KIAA1217: variants seen among roughly 807,000 people sequenced by gnomAD.
KIAA1217 encodes sickle tail protein homolog.
Under a neutral mutation model 163.9 loss-of-function variants are expected in KIAA1217, and 88 were observed. The observed-to-expected ratio is 0.54, with a 90% CI of 0.45 to 0.64. The LOEUF (loss-of-function observed/expected upper bound fraction) is 0.64, where lower values mean the gene tolerates loss of function less well. Among genes scored for constraint, KIAA1217 ranks in the 30% least tolerant of loss-of-function variants. The pLI, the probability that KIAA1217 is intolerant of heterozygous loss-of-function variation, is 0.00. For missense variants in KIAA1217, 2,372 were observed against 2,475.0 expected, an observed-to-expected ratio of 0.96 and a Z score of 0.88; for synonymous variants, 903 against 923.1, an observed-to-expected ratio of 0.98 and a Z score of 0.39.
intron 1 of KIAA1217, among the ~76,000 whole-genome samples, chr10:24,218,394 T>C (rs899160030): frequency 2.6e-5 from 4 of 152,196 alleles, no homozygotes; most frequent in Admixed American, 2.0e-4. Context: ...GCTATCAGGA[T>C]GTACCATTGC....
chr10:23,903,568 G>A (rs953360445), intron 1 of KIAA1217, among the ~76,000 whole-genome samples: 2 of 152,078 alleles, frequency 1.3e-5, no homozygotes, highest in African/African-American at 4.8e-5. Context: ...AACTGAGGGA[G>A]CTTAGCAAGG....
chr10:24,485,299 G>GT (rs1484235716), intron 6 of KIAA1217, among the ~76,000 whole-genome samples: 6 of 152,262 alleles, frequency 3.9e-5, no homozygotes, highest in Admixed American at 1.3e-4. Flanking sequence ...CCTCTACAGA[G>GT]TAAGGGTTCG....
chr10:24,238,293 G>A (rs1486495611), intron 2 of KIAA1217, among the ~76,000 whole-genome samples: 2 of 152,138 alleles, frequency 1.3e-5, no homozygotes, highest in Admixed American at 6.5e-5. Context: ...ATAACATTAT[G>A]ATAAACTCCT....
intron 2 of KIAA1217, among the ~76,000 whole-genome samples, chr10:24,294,517 T>C (rs1018121773): frequency 1.3e-5 from 2 of 152,272 alleles, no homozygotes; most frequent in South Asian, 2.1e-4. Context: ...TTAGGCAAGT[T>C]AATGGCAGTT....
intron 1 of KIAA1217, among the ~76,000 whole-genome samples, chr10:23,722,729 G>T (rs1837936713): frequency 6.6e-6 from 1 of 152,168 alleles, no homozygotes; most frequent in South Asian, 2.1e-4. Context: ...GATGCTCAAA[G>T]AAGTACCTTG....
chr10:24,187,173 C>A (rs888009557), intron 2 of KIAA1217, among the ~76,000 whole-genome samples: 5 of 152,176 alleles, frequency 3.3e-5, no homozygotes, highest in African/African-American at 1.2e-4. Flanking sequence ...TAGACCCCAT[C>A]TTTGACTCAA....
intron 2 of KIAA1217, among the ~76,000 whole-genome samples, chr10:24,202,790 T>C (rs1457737896): frequency 6.6e-6 from 1 of 152,158 alleles, no homozygotes; most frequent in Non-Finnish European, 1.5e-5. Context: ...GAGACTTTGA[T>C]AAATATCTAT....
intron 2 of KIAA1217, among the ~76,000 whole-genome samples, chr10:24,185,024 A>T (rs1035757096): frequency 6.6e-6 from 1 of 152,210 alleles, no homozygotes; most frequent in African/African-American, 2.4e-5. Flanking sequence ...CATAGGCTGA[A>T]ATTTTTTTTA....
intron 2 of KIAA1217, among the ~76,000 whole-genome samples, chr10:24,037,610 G>A (rs1848450261): frequency 6.6e-6 from 1 of 152,194 alleles, no homozygotes; most frequent in African/African-American, 2.4e-5. Context: ...GAGTAGATGG[G>A]CAAGTTGCCT....
At chr10:24,238,266 C>G (rs998500399) in intron 2 of KIAA1217, among the ~76,000 whole-genome samples, 2 of 152,158 alleles carry the variant, frequency 1.3e-5, no homozygotes, top group Non-Finnish European at 2.9e-5. Context: ...TGTACTGTGG[C>G]ATATGACAGC....
At chr10:24,104,839 T>C (rs978291543) in intron 2 of KIAA1217, among the ~76,000 whole-genome samples, 2 of 152,206 alleles carry the variant, frequency 1.3e-5, no homozygotes, top group Non-Finnish European at 2.9e-5. Context: ...AAGTGTGATT[T>C]AAAAATTTTA....
chr10:24,116,823 C>T (rs1308323072), intron 2 of KIAA1217, among the ~76,000 whole-genome samples: 1 of 152,076 alleles, frequency 6.6e-6, no homozygotes, highest in Non-Finnish European at 1.5e-5. Flanking sequence ...AACTCTTGCA[C>T]CAAGACACAC....
At chr10:23,914,689 A>G (rs576648149) in intron 1 of KIAA1217, among the ~76,000 whole-genome samples, 36 of 152,182 alleles carry the variant, frequency 2.4e-4, no homozygotes, top group African/African-American at 8.7e-4. Context: ...CAGAGTAGTG[A>G]TCCTCCCTCC....
intron 2 of KIAA1217, among the ~76,000 whole-genome samples, chr10:24,377,098 C>T (rs572242668): frequency 2.6e-5 from 4 of 152,098 alleles, no homozygotes; most frequent in Non-Finnish European, 2.9e-5. Flanking sequence ...AGAATGTCTT[C>T]GTGACAGAGA....
chr10:23,786,471 G>C (rs1331902740), intron 1 of KIAA1217, among the ~76,000 whole-genome samples: 1 of 150,820 alleles, frequency 6.6e-6, no homozygotes, highest in Non-Finnish European at 1.5e-5. Context: ...GACTTTTCCG[G>C]CTATTGTGGT....
chr10:24,517,172 TAA>T (rs34657439), intron 10 of KIAA1217, among the ~76,000 whole-genome samples: 21,062 of 141,682 alleles, frequency 0.15, 1,576 homozygotes, highest in African/African-American at 0.19. Flanking sequence ...AAAACCCTGT[TAA>T]AAAAAAAAAA....
intron 10 of KIAA1217, 45 bp downstream of exon 10, chr10:24,513,479 G>T: frequency 6.3e-7 from 1 of 1,585,430 alleles, no homozygotes; most frequent in Non-Finnish European, 8.6e-7. Context: ...ACCTGCAAAG[G>T]AAAATTATCA....
In KIAA1217 at chr10:23,894,722, G is replaced by A. The variant is rs36197502; in HGVS notation, c.-320-112503G>A. On this transcript the variant is annotated intron_variant, in intron 1 of 18. Transcript: ENST00000376462. ...AAAAGAACAAAGCTGGAGGCATCAC[G>A]CTACCTGACTTCAAACTATACTACA... Among the ~76,000 whole-genome samples the A allele has an allele frequency of 8.4e-5, 12 of 143,266 alleles. No homozygotes were observed. The South Asian group carries it at 9.1e-4, about 11-fold the overall frequency. The allele number at this position is 143,266 out of a possible 152,430, so 94.0% of individuals were successfully genotyped here. A position where few individuals can be genotyped will look rare whatever the true frequency, so the allele number is the denominator to read the frequency against.
intron 1 of KIAA1217, among the ~76,000 whole-genome samples, chr10:23,702,145 A>G (rs6482316): frequency 0.18 from 27,316 of 152,098 alleles, 4,805 homozygotes; most frequent in African/African-American, 0.45. Context: ...CAACAACCTT[A>G]AAGTGCAGCA....
Sources: gnomAD v4.1 joint callset for allele counts (sites outside exome capture counted in the v4.1 genomes callset) on GRCh38, gnomAD v4.1.1 for gene constraint, MANE v1.5 for transcripts, NCBI Gene and HGNC (gene_info 2026-07-23, HGNC 2026-07-21) for gene names.